Variants in LCOR observed in about 807,000 individuals in gnomAD.
LCOR encodes ligand-dependent corepressor.
LCOR carries 14 observed loss-of-function variants against 64.4 expected under a neutral mutation model. That is an observed-to-expected ratio of 0.22 (90% confidence interval 0.14 to 0.34). LCOR has a LOEUF of 0.34. LCOR is among the 10% of genes least tolerant of loss of function. The pLI is 1.00. For synonymous variants in LCOR, 643 were observed against 642.5 expected, an observed-to-expected ratio of 1.00 and a Z score of -0.01; for missense variants, 1,686 against 1,765.3, an observed-to-expected ratio of 0.96 and a Z score of 0.80.
intron 2 of LCOR, among the ~76,000 whole-genome samples, chr10:96,896,909 C>T (rs1846546815): frequency 6.6e-6 from 1 of 152,104 alleles, no homozygotes; most frequent in Admixed American, 6.6e-5. Flanking sequence ...GGAAGCCCCA[C>T]CTTTCCAACC....
intron 2 of LCOR, among the ~76,000 whole-genome samples, chr10:96,903,521 T>G (rs1049550257): frequency 2.0e-5 from 3 of 152,140 alleles, no homozygotes; most frequent in Admixed American, 2.0e-4. Flanking sequence ...CTGCATTTCC[T>G]TCAGCACCTC....
chr10:96,938,427 C>T (rs1234731572), intron 4 of LCOR, among the ~76,000 whole-genome samples: 1 of 151,882 alleles, frequency 6.6e-6, no homozygotes, highest in African/African-American at 2.4e-5. Context: ...ATCTGAACTA[C>T]AAAAACACTC....
At chr10:96,938,835 CTTGTATG>C in intron 4 of LCOR, among the ~76,000 whole-genome samples, 1 of 152,200 alleles carries the variant, frequency 6.6e-6, no homozygotes, top group South Asian at 2.1e-4. Flanking sequence ...AAATATAAGA[CTTGTATG>C]TTGTAAATTA....
chr10:96,965,476 C>T (rs1391340849), intron 7 of LCOR, among the ~76,000 whole-genome samples: 1 of 150,490 alleles, frequency 6.6e-6, no homozygotes, highest in East Asian at 2.0e-4. Flanking sequence ...TCCTGGCTAA[C>T]ACAGTGAAAC....
rs375709988 is a variant in LCOR at position 96,886,857 on chromosome 10, A to G, written c.-329-20408A>G. The stretch of plus-strand genomic sequence containing the variant: ...ATCTTTAAACCAGTATTCTAATCAT[A>G]TAACTTTATACTCTTTTACTCAGCA... On this transcript the variant is annotated intron_variant, in intron 2 of 7. Coordinates refer to ENST00000421806, the MANE Select transcript of LCOR (RefSeq NM_001346516.2). Among the ~76,000 whole-genome samples, 30 of 152,340 alleles carry G rather than the reference A, an allele frequency of 2.0e-4. No individual in the cohort carries two copies. In the East Asian group the frequency reaches 4.2e-3, roughly 22 times the overall value.
intron 4 of LCOR, among the ~76,000 whole-genome samples, chr10:96,934,310 G>A (rs1008835196): frequency 7.2e-5 from 11 of 152,210 alleles, no homozygotes; most frequent in African/African-American, 2.4e-4. Flanking sequence ...TAATGGTGGT[G>A]TCACTGTAAC....
chr10:96,858,132 G>A (rs1165289896), intron 2 of LCOR, among the ~76,000 whole-genome samples: 6 of 152,210 alleles, frequency 3.9e-5, no homozygotes, highest in Non-Finnish European at 8.8e-5. Flanking sequence ...GGGAGGAATT[G>A]TGCATTTGAG....
intron 2 of LCOR, 27 bp downstream of exon 2, chr10:96,833,506 T>A: frequency 1.1e-6 from 1 of 947,760 alleles, no homozygotes. Context: ...GTGTCTCCGC[T>A]CCGCCCGCCG....
chr10:96,840,605 A>G (rs539640754), intron 2 of LCOR, among the ~76,000 whole-genome samples: 1 of 152,170 alleles, frequency 6.6e-6, no homozygotes, highest in Non-Finnish European at 1.5e-5. Flanking sequence ...TTTCCTCTCT[A>G]TATATTTTTT....
chr10:96,974,286 G>A (rs1360285692), intron 7 of LCOR, among the ~76,000 whole-genome samples: 3 of 152,178 alleles, frequency 2.0e-5, no homozygotes, highest in South Asian at 2.1e-4. Flanking sequence ...TGGAAATCCA[G>A]TTTTTTCTTT....
chr10:96,921,227 C>T (rs1847076002), intron 4 of LCOR, among the ~76,000 whole-genome samples: 1 of 152,070 alleles, frequency 6.6e-6, no homozygotes, highest in Admixed American at 6.6e-5. Context: ...TCCTTTGATG[C>T]ACAAAATTTA....
At position 96,981,239 on chromosome 10, in the gene LCOR, G is replaced by C. The variant is rs1848082641; in HGVS notation, c.779G>C (p.Ser260Thr). The stretch of plus-strand genomic sequence containing the variant: ...ACCACTAAATCGAATTCTATTAATA[G>C]CAGTTCAGTGGATAGTTTCACTCCG... ...LPTTKSNSINSSSVDSFTPGY... is the reference protein window; with the variant it reads ...LPTTKSNSINTSSVDSFTPGY... Residue 260 changes from serine (S) to threonine (T), a missense_variant, in exon 8 of 8, where the codon AGC (serine) becomes ACC (threonine). This residue lies in a region of LCOR where 313 missense variants were observed against 247.2 expected (regional missense o/e 1.27). Coordinates refer to ENST00000421806, the MANE Select transcript of LCOR (RefSeq NM_001346516.2). 5.7e-6 allele frequency: 5 copies of C among 874,272 alleles called. No homozygotes were observed. The East Asian group carries it at 1.3e-4, about 23-fold the overall frequency. 54.2% of individuals were successfully genotyped at this position (874,272 alleles called of 1,614,324 possible). A position where few individuals can be genotyped will look rare whatever the true frequency, so the allele number is the denominator to read the frequency against.
chr10:96,950,517 A>G (rs1474650311), intron 6 of LCOR, among the ~76,000 whole-genome samples: 1 of 152,134 alleles, frequency 6.6e-6, no homozygotes, highest in African/African-American at 2.4e-5. Flanking sequence ...GGAGAATGAC[A>G]ACATAGAATA....
At chr10:96,931,686 A>T (rs892824922) in intron 4 of LCOR, among the ~76,000 whole-genome samples, 7 of 152,342 alleles carry the variant, frequency 4.6e-5, no homozygotes, top group African/African-American at 1.7e-4. Context: ...AGATGGACCT[A>T]CACTTTCTCC....
chr10:96,874,916 G>T (rs928132919), intron 2 of LCOR, among the ~76,000 whole-genome samples: 39 of 152,020 alleles, frequency 2.6e-4, no homozygotes, highest in African/African-American at 9.2e-4. Context: ...GATTACAGAT[G>T]TGAGCCACCG....
At chr10:96,876,507 C>T (rs960520495) in intron 2 of LCOR, among the ~76,000 whole-genome samples, 2 of 151,894 alleles carry the variant, frequency 1.3e-5, no homozygotes, top group African/African-American at 4.8e-5. Flanking sequence ...CTTTATATGA[C>T]AAAAGCCATA....
chr10:96,869,732 G>A (rs1201088312), intron 2 of LCOR, among the ~76,000 whole-genome samples: 1 of 151,828 alleles, frequency 6.6e-6, no homozygotes, highest in East Asian at 1.9e-4. Context: ...ACACCACCAC[G>A]TTCAGCTATT....
chr10:96,927,034 C>A (rs76871841), intron 4 of LCOR, among the ~76,000 whole-genome samples: 1 of 152,014 alleles, frequency 6.6e-6, no homozygotes, highest in East Asian at 1.9e-4. Context: ...GGATCAATAC[C>A]TAGAGTTGGA....
At chr10:96,927,407 A>T (rs1171130560) in intron 4 of LCOR, among the ~76,000 whole-genome samples, 1 of 152,044 alleles carries the variant, frequency 6.6e-6, no homozygotes, top group South Asian at 2.1e-4. Flanking sequence ...ATGTTATACA[A>T]ATATTTTCTC....
Sources: allele counts gnomAD v4.1 joint callset (sites outside exome capture counted in the v4.1 genomes callset), GRCh38; gene constraint gnomAD v4.1.1; regional missense constraint gnomAD v4.1.1; transcripts MANE v1.5; gene names NCBI Gene and HGNC (gene_info 2026-07-23, HGNC 2026-07-21).